LRRC4C: variants seen among roughly 807,000 people sequenced by gnomAD.
LRRC4C encodes the protein leucine rich repeat containing 4C.
LRRC4C carries 5 observed loss-of-function variants against 33.6 expected under a neutral mutation model. The ratio of observed to expected loss-of-function variants is 0.15; its 90% CI spans 0.08 to 0.31. The LOEUF (loss-of-function observed/expected upper bound fraction) is 0.31. LRRC4C is among the 10% of genes least tolerant of loss of function. The pLI, the probability that LRRC4C is intolerant of heterozygous loss-of-function variation, is 1.00. For missense variants in LRRC4C, 560 were observed against 796.7 expected (o/e 0.70, Z 3.58); for synonymous variants, 329 against 302.0 (o/e 1.09, Z -0.93).
chr11:40,883,688 T>C (rs1955296164), intron 2 of LRRC4C, among the ~76,000 whole-genome samples: 1 of 151,980 alleles, frequency 6.6e-6, no homozygotes, highest in Non-Finnish European at 1.5e-5. Flanking sequence ...GCTTTTTTTC[T>C]TTCTTCCTTT....
At chr11:40,327,769 G>A (rs1007704216) in intron 3 of LRRC4C, among the ~76,000 whole-genome samples, 5 of 151,712 alleles carry the variant, frequency 3.3e-5, no homozygotes, top group African/African-American at 1.2e-4. Context: ...TATCTCAAGC[G>A]GAATTCATAA....
At chr11:41,356,161 T>G (rs1430458890) in intron 1 of LRRC4C, among the ~76,000 whole-genome samples, 1 of 152,100 alleles carries the variant, frequency 6.6e-6, no homozygotes, top group Non-Finnish European at 1.5e-5. Flanking sequence ...ATTGCATACT[T>G]CTCCTCTTCA....
rs146316213 is a variant in LRRC4C at position 40,297,693 on chromosome 11, T to A, written c.-176+21935A>T. The stretch of plus-strand genomic sequence containing the variant: ...TTGTTCTCTCATACTTTTTAACATT[T>A]GTTTTAATAACTAGCATTTAATGAA... On this transcript the variant is annotated intron_variant, in intron 4 of 6. Coordinates refer to ENST00000528697, the MANE Select transcript of LRRC4C (RefSeq NM_001258419.2). 2.0e-5 allele frequency among the ~76,000 whole-genome samples: 3 copies of A among 152,294 alleles called. No individual in the cohort carries two copies. In the East Asian group the frequency reaches 5.8e-4, roughly 29 times the overall value.
intron 2 of LRRC4C, among the ~76,000 whole-genome samples, chr11:40,793,074 C>T (rs1480801317): frequency 6.6e-6 from 1 of 151,892 alleles, no homozygotes; most frequent in Non-Finnish European, 1.5e-5. Flanking sequence ...CAACATGGCA[C>T]ATGTATACAT....
chr11:40,937,067 G>A (rs572948934), intron 1 of LRRC4C, among the ~76,000 whole-genome samples: 5 of 152,258 alleles, frequency 3.3e-5, no homozygotes, highest in Admixed American at 2.0e-4. Flanking sequence ...ATCAACCCAG[G>A]TTTCCATCAA....
chr11:41,195,545 AT>A (rs1039538498), intron 1 of LRRC4C, among the ~76,000 whole-genome samples: 19 of 152,006 alleles, frequency 1.2e-4, no homozygotes, highest in African/African-American at 3.4e-4. Context: ...TCATGGAGAT[AT>A]TTCCCCCCCC....
chr11:40,528,118 T>A (rs529873423), intron 3 of LRRC4C, among the ~76,000 whole-genome samples: 20 of 152,200 alleles, frequency 1.3e-4, no homozygotes, highest in Admixed American at 1.2e-3. Flanking sequence ...TGAAAAATTT[T>A]AAAAAACTGA....
intron 3 of LRRC4C, among the ~76,000 whole-genome samples, chr11:40,588,317 G>A (rs1958861395): frequency 6.6e-6 from 1 of 151,998 alleles, no homozygotes; most frequent in African/African-American, 2.4e-5. Flanking sequence ...GGGATCGGTG[G>A]TGATATCCCC....
chr11:41,141,014 C>T (rs1439883743), intron 1 of LRRC4C, among the ~76,000 whole-genome samples: 1 of 151,850 alleles, frequency 6.6e-6, no homozygotes, highest in East Asian at 1.9e-4. Context: ...GGGAATGTTT[C>T]CAGAATTATA....
chr11:41,314,567 C>T (rs1339709611), intron 1 of LRRC4C, among the ~76,000 whole-genome samples: 4 of 152,130 alleles, frequency 2.6e-5, no homozygotes, highest in East Asian at 1.9e-4. Flanking sequence ...TTTCACACCA[C>T]GTGTCCTCAC....
intron 1 of LRRC4C, among the ~76,000 whole-genome samples, chr11:41,327,834 C>A (rs1325031599): frequency 6.6e-6 from 1 of 152,136 alleles, no homozygotes; most frequent in Non-Finnish European, 1.5e-5. Context: ...CTATGTAAGA[C>A]GTATCTTTGC....
chr11:40,313,583 GCT>G (rs752890234), intron 4 of LRRC4C, among the ~76,000 whole-genome samples: 80,638 of 141,484 alleles, frequency 0.57, 24,598 homozygotes, highest in East Asian at 0.77. Context: ...AAGAAAACAT[GCT>G]AGGAGGGGAA....
chr11:40,149,831 A>T (rs1402223456), intron 5 of LRRC4C, among the ~76,000 whole-genome samples: 1 of 152,208 alleles, frequency 6.6e-6, no homozygotes, highest in African/African-American at 2.4e-5. Flanking sequence ...AATATGGGGA[A>T]GAAATAGGCC....
intron 4 of LRRC4C, among the ~76,000 whole-genome samples, chr11:40,298,731 T>G (rs1944631821): frequency 6.6e-6 from 1 of 152,048 alleles, no homozygotes; most frequent in African/African-American, 2.4e-5. Context: ...TGACTCACAG[T>G]TCCACATGGC....
intron 2 of LRRC4C, among the ~76,000 whole-genome samples, chr11:40,890,224 TTAAAA>T: frequency 6.6e-6 from 1 of 152,226 alleles, no homozygotes; most frequent in East Asian, 1.9e-4. Flanking sequence ...AGGTAATATA[TTAAAA>T]TAAAAGAAAT....
chr11:40,249,609 T>A (rs1318613279), intron 4 of LRRC4C, among the ~76,000 whole-genome samples: 1 of 150,800 alleles, frequency 6.6e-6, no homozygotes, highest in Non-Finnish European at 1.5e-5. Context: ...ATTGTATATA[T>A]GTATGCGTAT....
At chr11:40,456,082 C>T (rs1952118568) in intron 3 of LRRC4C, among the ~76,000 whole-genome samples, 1 of 152,038 alleles carries the variant, frequency 6.6e-6, no homozygotes, top group African/African-American at 2.4e-5. Context: ...TGAGAGGCTA[C>T]TTGGGAGAAA....
intron 1 of LRRC4C, among the ~76,000 whole-genome samples, chr11:41,392,475 T>G (rs1191472249): frequency 1.3e-5 from 2 of 151,746 alleles, no homozygotes; most frequent in Non-Finnish European, 2.9e-5. Context: ...GTAATAAGCC[T>G]TCTTTGGTAC....
intron 1 of LRRC4C, among the ~76,000 whole-genome samples, chr11:40,942,937 A>G (rs919683343): frequency 2.0e-5 from 3 of 152,158 alleles, no homozygotes; most frequent in Non-Finnish European, 2.9e-5. Flanking sequence ...CAATTACTCA[A>G]CTACTTATTT....
Sources: allele counts gnomAD v4.1 joint callset (sites outside exome capture counted in the v4.1 genomes callset), GRCh38; gene constraint gnomAD v4.1.1; transcripts MANE v1.5; gene names NCBI Gene and HGNC (gene_info 2026-07-23, HGNC 2026-07-21).